The following HS6ST3 variants were observed in gnomAD, a reference collection of about 807,000 sequenced individuals.
HS6ST3 encodes heparan sulfate 6-O-sulfotransferase 3.
Under a neutral mutation model 36.7 loss-of-function variants are expected in HS6ST3, and 12 were observed. That is an observed-to-expected ratio of 0.33 (90% CI 0.21 to 0.53). The LOEUF (loss-of-function observed/expected upper bound fraction) is 0.53. Among genes scored for constraint, HS6ST3 ranks in the 20% least tolerant of loss-of-function variants. The pLI is 0.95. For missense variants in HS6ST3, 584 were observed against 640.9 expected, an observed-to-expected ratio of 0.91 and a Z score of 0.96; for synonymous variants, 240 against 257.5, an observed-to-expected ratio of 0.93 and a Z score of 0.65.
intron 1 of HS6ST3, among the ~76,000 whole-genome samples, chr13:96,294,888 T>C (rs999017290): frequency 6.6e-6 from 1 of 152,100 alleles, no homozygotes; most frequent in African/African-American, 2.4e-5. Flanking sequence ...AAATGTGATA[T>C]AGAATGAACG....
chr13:96,593,725 G>A (rs1481443169), intron 1 of HS6ST3, among the ~76,000 whole-genome samples: 1 of 151,616 alleles, frequency 6.6e-6, no homozygotes, highest in Non-Finnish European at 1.5e-5. Context: ...ATTTTGAGGT[G>A]CATATATATT....
intron 1 of HS6ST3, among the ~76,000 whole-genome samples, chr13:96,399,313 G>A (rs994410235): frequency 1.3e-5 from 2 of 152,098 alleles, no homozygotes; most frequent in Non-Finnish European, 2.9e-5. Flanking sequence ...AGATAAAACA[G>A]ACCCTTTTAG....
At chr13:96,533,804 G>A (rs1457884779) in intron 1 of HS6ST3, among the ~76,000 whole-genome samples, 2 of 152,198 alleles carry the variant, frequency 1.3e-5, no homozygotes, top group African/African-American at 4.8e-5. Context: ...TCACACCTCT[G>A]CTATGGACAG....
chr13:96,351,165 A>G (rs923128539), intron 1 of HS6ST3, among the ~76,000 whole-genome samples: 3 of 152,128 alleles, frequency 2.0e-5, no homozygotes, highest in African/African-American at 7.2e-5. Context: ...AAAGATAATA[A>G]ACTATGACAA....
intron 1 of HS6ST3, among the ~76,000 whole-genome samples, chr13:96,233,132 T>C (rs1037202634): frequency 2.0e-5 from 3 of 152,178 alleles, no homozygotes; most frequent in African/African-American, 7.2e-5. Flanking sequence ...TTTTCTCTAA[T>C]TGTAGTGTGG....
Position 96,091,371 on chromosome 13 carries a change from G to A in HS6ST3, c.509G>A (p.Arg170Gln). The change falls in exon 1 of 2, where the codon CGG (arginine) becomes CAG (glutamine). Residue 170 changes from arginine to glutamine, a missense_variant. By Grantham distance (43) the Arg-to-Gln change is conservative (BLOSUM62 1). This residue lies in a region of HS6ST3 where 360 missense variants were observed against 411.3 expected (regional missense o/e 0.88). Coordinates refer to ENST00000376705, the MANE Select transcript of HS6ST3 (RefSeq NM_153456.4). ...TFGRHLVKNI[R>Q]LEQPCSCKAG... ...GGCCGGCACCTGGTGAAGAACATCC[G>A]GCTGGAGCAGCCTTGTAGCTGCAAA... The A allele has an allele frequency of 6.2e-7, 1 of 1,614,054 alleles. No individual in the cohort carries two copies. Among genetic ancestry groups the A allele is most frequent in the African/African-American group, 1.3e-5 (1 of 75,056 alleles).
intron 1 of HS6ST3, among the ~76,000 whole-genome samples, chr13:96,451,156 T>G (rs1311074717): frequency 1.3e-5 from 2 of 149,824 alleles, no homozygotes; most frequent in Admixed American, 6.6e-5. Context: ...GTAATAGTAT[T>G]ACACATTAAA....
chr13:96,490,434 T>C (rs2055939116), intron 1 of HS6ST3, among the ~76,000 whole-genome samples: 1 of 152,068 alleles, frequency 6.6e-6, no homozygotes, highest in Non-Finnish European at 1.5e-5. Context: ...TAAATAAAAA[T>C]AAATGTGCAG....
intron 1 of HS6ST3, among the ~76,000 whole-genome samples, chr13:96,295,335 C>T (rs1473459760): frequency 6.6e-6 from 1 of 151,986 alleles, no homozygotes; most frequent in Non-Finnish European, 1.5e-5. Context: ...TTTTAAATAT[C>T]AGAATAGAGA....
At chr13:96,523,091 T>C (rs1449851061) in intron 1 of HS6ST3, among the ~76,000 whole-genome samples, 1 of 152,198 alleles carries the variant, frequency 6.6e-6, no homozygotes, top group African/African-American at 2.4e-5. Context: ...TGCTTGTCTG[T>C]AAAGGATATT....
intron 1 of HS6ST3, among the ~76,000 whole-genome samples, chr13:96,525,686 A>G (rs1221881237): frequency 1.3e-5 from 2 of 152,248 alleles, no homozygotes; most frequent in East Asian, 1.9e-4. Context: ...CCACCTAGTT[A>G]GAATGCTTTG....
intron 1 of HS6ST3, among the ~76,000 whole-genome samples, chr13:96,520,244 T>TTAGTATAC: frequency 6.6e-6 from 1 of 152,332 alleles, no homozygotes; most frequent in South Asian, 2.1e-4. Context: ...ACCATGCTGT[T>TTAGTATAC]TTGGTTACTG....
intron 1 of HS6ST3, among the ~76,000 whole-genome samples, chr13:96,757,519 A>G (rs1026780284): frequency 1.3e-5 from 2 of 152,140 alleles, no homozygotes; most frequent in Admixed American, 1.3e-4. Flanking sequence ...TACCTCTAGT[A>G]AAATATTGAA....
chr13:96,583,206 T>TTC (rs1196968026), intron 1 of HS6ST3, among the ~76,000 whole-genome samples: 168 of 94,392 alleles, frequency 1.8e-3, no homozygotes, highest in Non-Finnish European at 2.9e-3. Context: ...TTTCTTTTCT[T>TTC]TTTTTTTTTT....
At chr13:96,801,926 T>C (rs1429382189) in intron 1 of HS6ST3, among the ~76,000 whole-genome samples, 1 of 152,106 alleles carries the variant, frequency 6.6e-6, no homozygotes, top group Non-Finnish European at 1.5e-5. Context: ...GGAAGATCAA[T>C]AGCTCAGGAA....
chr13:96,247,481 T>C (rs1324853665), intron 1 of HS6ST3, among the ~76,000 whole-genome samples: 4 of 152,112 alleles, frequency 2.6e-5, no homozygotes, highest in African/African-American at 9.7e-5. Context: ...CTTTGCACAT[T>C]CTTCTCTCTT....
At chr13:96,482,236 C>T (rs755640005) in intron 1 of HS6ST3, among the ~76,000 whole-genome samples, 21 of 152,122 alleles carry the variant, frequency 1.4e-4, no homozygotes, top group African/African-American at 1.9e-4. Context: ...CACTGATCTT[C>T]GGGGTTCTTT....
At chr13:96,187,293 A>G (rs1030794651) in intron 1 of HS6ST3, among the ~76,000 whole-genome samples, 2 of 152,204 alleles carry the variant, frequency 1.3e-5, no homozygotes, top group African/African-American at 4.8e-5. Context: ...TGAGAATACC[A>G]CTTCCAAGCT....
intron 1 of HS6ST3, among the ~76,000 whole-genome samples, chr13:96,717,192 A>G (rs1875720699): frequency 6.6e-6 from 1 of 152,208 alleles, no homozygotes. Flanking sequence ...AGAGAGAGAA[A>G]GTATAGTTTT....
Sources: allele counts gnomAD v4.1 joint callset (sites outside exome capture counted in the v4.1 genomes callset), GRCh38; gene constraint gnomAD v4.1.1; regional missense constraint gnomAD v4.1.1; transcripts MANE v1.5; gene names NCBI Gene and HGNC (gene_info 2026-07-23, HGNC 2026-07-21).